Variants in TLK1 observed in about 807,000 individuals in gnomAD.
The protein encoded by TLK1 is tousled like kinase 1, also known as serine/threonine-protein kinase tousled-like 1.
In TLK1, 24 loss-of-function variants were observed where a neutral mutation model predicts 105.3. The ratio of observed to expected loss-of-function variants is 0.23; its 90% CI spans 0.17 to 0.32. The LOEUF is 0.32. Ranked by LOEUF, TLK1 falls within the 10% of genes least tolerant of loss-of-function variation. The probability of loss-of-function intolerance (pLI) is 1.00; values close to 1 mark genes in which losing one functional copy is unlikely to be tolerated. For missense variants in TLK1, 558 were observed against 910.5 expected (o/e 0.61, Z 4.98); for synonymous variants, 321 against 310.4 (o/e 1.03, Z -0.36).
intron 12 of TLK1, 50 bp downstream of exon 12, chr2:171,028,289 C>T (rs1345551509): frequency 1.5e-6 from 2 of 1,352,952 alleles, no homozygotes; most frequent in Admixed American, 3.4e-5. Context: ...CAACTTCCCA[C>T]AAATTCTGGT....
At position 171,081,737 on chromosome 2, in the gene TLK1, A is replaced by G. The variant is rs1432198209; in HGVS notation, c.330+1044T>C. On this transcript the variant is annotated intron_variant, in intron 3 of 20. Coordinates refer to ENST00000431350, the MANE Select transcript of TLK1 (RefSeq NM_012290.5). ...TGGAAGGGAAAGCCTGATGAGTGAG[A>G]GCCCTATGCCATACTCCTTTGTAGT... is the stretch of plus-strand genomic sequence containing the variant. 4 of 1,296,766 alleles carry G rather than the reference A, an allele frequency of 3.1e-6. No homozygotes were observed. In the Admixed American group the frequency reaches 6.9e-5, roughly 22 times the overall value. 80.3% of individuals were successfully genotyped at this position (1,296,766 alleles called of 1,614,324 possible).
At chr2:171,061,999 T>C (rs1261669151) in intron 3 of TLK1, among the ~76,000 whole-genome samples, 2 of 152,174 alleles carry the variant, frequency 1.3e-5, no homozygotes, top group Admixed American at 1.3e-4. Flanking sequence ...TCTGGCTTTT[T>C]ACAAAAAAAG....
intron 1 of TLK1, among the ~76,000 whole-genome samples, chr2:171,145,442 T>C (rs1691753836): frequency 6.6e-6 from 1 of 151,534 alleles, no homozygotes; most frequent in South Asian, 2.1e-4. Context: ...ATACAAAAAT[T>C]AGCTGGGCAT....
At chr2:171,156,855 G>A (rs901891674) in intron 1 of TLK1, among the ~76,000 whole-genome samples, 5 of 152,048 alleles carry the variant, frequency 3.3e-5, no homozygotes, top group Non-Finnish European at 7.4e-5. Context: ...TTTTGAGAAA[G>A]TATCTCACTC....
chr2:171,156,143 C>T (rs866535825), intron 1 of TLK1, among the ~76,000 whole-genome samples: 5 of 152,096 alleles, frequency 3.3e-5, no homozygotes, highest in Non-Finnish European at 5.9e-5. Flanking sequence ...AAGAAGAATA[C>T]TCACTCTTTC....
intron 18 of TLK1, 37 bp from the exon 19 acceptor site, chr2:170,997,860 G>A: frequency 7.8e-7 from 1 of 1,275,868 alleles, no homozygotes; most frequent in Non-Finnish European, 1.1e-6. Context: ...GGTTACTACT[G>A]ACAATCTGTA....
At position 171,155,020 on chromosome 2, in the gene TLK1, T is replaced by C. The variant is rs558537078; in HGVS notation, c.139+5270A>G. Among the ~76,000 whole-genome samples the C allele has an allele frequency of 2.0e-5, 3 of 152,328 alleles. No individual in the cohort carries two copies. In the South Asian group the frequency reaches 6.2e-4, roughly 32 times the overall value. ...ATGATACATATTATAGGTATAATTCTAGGAATAAGATGAGAATTTAAATTC... is the reference window on the plus strand; with the variant it reads ...ATGATACATATTATAGGTATAATTCCAGGAATAAGATGAGAATTTAAATTC... On this transcript the variant is annotated intron_variant, in intron 1 of 20. Transcript: ENST00000431350.
intron 2 of TLK1, among the ~76,000 whole-genome samples, chr2:171,089,149 C>A (rs534690385): frequency 6.6e-6 from 1 of 152,334 alleles, no homozygotes; most frequent in African/African-American, 2.4e-5. Context: ...TGAGACACCA[C>A]ATTTGGCCTG....
chr2:171,066,427 A>T (rs1325875980), intron 3 of TLK1, among the ~76,000 whole-genome samples: 1 of 152,198 alleles, frequency 6.6e-6, no homozygotes, highest in African/African-American at 2.4e-5. Context: ...CCCAACTAAA[A>T]TATGTGCTGT....
chr2:171,082,999 G>T, intron 2 of TLK1, 147 bp from the exon 3 acceptor site: 1 of 581,694 alleles, frequency 1.7e-6, no homozygotes, highest in Non-Finnish European at 3.0e-6. Context: ...GCCAAATGAG[G>T]TAAAAATAAG....
chr2:171,160,179 C>A lies in TLK1; in HGVS notation c.139+111G>T. 8.3e-7 allele frequency: 1 copy of A among 1,201,830 alleles called. No homozygotes were observed. The highest frequency in any genetic ancestry group is 3.3e-5 in the East Asian group (1 of 29,990). 74.4% of individuals were successfully genotyped at this position (1,201,830 alleles called of 1,614,324 possible). On this transcript the variant is annotated intron_variant, in intron 1 of 20. Transcript: ENST00000431350. The surrounding 1 kb of genome is among the most constrained non-coding windows in gnomAD (Gnocchi z 4.4). ...GCGTCCACCTCGCCACCATCCCCCA[C>A]CCCAGGGTCTGGCGGAGAAGCCCCG...
chr2:171,074,177 C>T (rs893278873), intron 3 of TLK1, among the ~76,000 whole-genome samples: 2 of 152,110 alleles, frequency 1.3e-5, no homozygotes, highest in Non-Finnish European at 2.9e-5. Context: ...AGGCATGAGC[C>T]GCCCCTCCCG....
chr2:171,182,724 A>G (rs1429580046), intron 1 of TLK1, among the ~76,000 whole-genome samples: 1 of 151,908 alleles, frequency 6.6e-6, no homozygotes, highest in Non-Finnish European at 1.5e-5. Flanking sequence ...GTATGAGACC[A>G]GCCTGGACAA....
intron 1 of TLK1, among the ~76,000 whole-genome samples, chr2:171,224,378 C>A (rs192882339): frequency 6.6e-6 from 1 of 152,070 alleles, no homozygotes; most frequent in African/African-American, 2.4e-5. Context: ...TAATGTGATG[C>A]TAAAGTTTTG....
At chr2:171,179,015 G>T (rs898701019) in intron 1 of TLK1, among the ~76,000 whole-genome samples, 1 of 152,142 alleles carries the variant, frequency 6.6e-6, no homozygotes, top group Non-Finnish European at 1.5e-5. Context: ...TCTAGTTAGT[G>T]CTTTTTATAG....
chr2:170,994,001 C>T, intron 20 of TLK1, 45 bp from the exon 21 acceptor site: 1 of 1,517,868 alleles, frequency 6.6e-7, no homozygotes, highest in Non-Finnish European at 8.8e-7. Flanking sequence ...ATCTTTTTCC[C>T]TTCTAAATAT....
chr2:171,141,290 T>C (rs1190138223), intron 1 of TLK1, among the ~76,000 whole-genome samples: 1 of 152,216 alleles, frequency 6.6e-6, no homozygotes, highest in Non-Finnish European at 1.5e-5. Context: ...ATGGAAATGT[T>C]CTCCATCTGC....
intron 1 of TLK1, among the ~76,000 whole-genome samples, chr2:171,230,912 T>C (rs1341210491): frequency 6.6e-6 from 1 of 152,180 alleles, no homozygotes; most frequent in East Asian, 1.9e-4. Flanking sequence ...TGTACCCGTA[T>C]ATCTGGAGCC....
chr2:171,192,036 T>G lies in TLK1; in HGVS notation c.-6+39109A>C, dbSNP rs145601483. ...TTGCCCTAAATAGATGAACACACAT[T>G]TATTATTTTGGAGAAAGAGTCTCAC... On this transcript the variant is annotated intron_variant, in intron 1 of 20. Coordinates refer to the TLK1 transcript ENST00000521943. Among the ~76,000 whole-genome samples the G allele has an allele frequency of 2.6e-3, 396 of 152,126 alleles. 4 individuals are homozygous for G. Among genetic ancestry groups the G allele is most frequent in the African/African-American group, 9.2e-3 (381 of 41,494 alleles).
Sources: allele counts gnomAD v4.1 joint callset (sites outside exome capture counted in the v4.1 genomes callset), GRCh38; gene constraint gnomAD v4.1.1; non-coding constraint Gnocchi (gnomAD v3.1); transcripts MANE v1.5; gene names NCBI Gene and HGNC (gene_info 2026-07-23, HGNC 2026-07-21).